RGS6: variants seen among roughly 807,000 people sequenced by gnomAD.
RGS6 encodes the protein regulator of G-protein signaling 6.
A neutral mutation model predicts 78.5 loss-of-function variants in RGS6; 30 were observed. That is an observed-to-expected ratio of 0.38 (90% confidence interval 0.29 to 0.52). The LOEUF is 0.52. RGS6 is among the 20% of genes least tolerant of loss of function. RGS6 has a pLI of 0.85. For synonymous variants in RGS6, 206 were observed against 206.0 expected (o/e 1.00, Z 0.00); for missense variants, 495 against 609.7 (o/e 0.81, Z 1.98).
rs2095623856 is a variant in RGS6 at position 72,105,937 on chromosome 14, G to A, written c.84+141062G>A. ...TATGAGAAAAAGGAAAACAGTGCCT[G>A]ACCTTATCAATAAACCATTGTAAGA... On this transcript the variant is annotated intron_variant, in intron 2 of 17. Transcript: ENST00000553525. 1.3e-5 allele frequency among the ~76,000 whole-genome samples: 2 copies of A among 152,176 alleles called. 1 individual carries two copies. Among genetic ancestry groups the A allele is most frequent in the South Asian group, 4.1e-4 (2 of 4,826 alleles).
intron 12 of RGS6, among the ~76,000 whole-genome samples, chr14:72,490,193 T>C (rs1361389507): frequency 6.6e-6 from 1 of 152,214 alleles, no homozygotes; most frequent in Admixed American, 6.5e-5. Flanking sequence ...GTTCCCATGA[T>C]AGTGAATAAG....
intron 3 of RGS6, among the ~76,000 whole-genome samples, chr14:72,372,290 A>G (rs61995112): frequency 1.2e-4 from 19 of 152,216 alleles, no homozygotes; most frequent in Non-Finnish European, 2.6e-4. Flanking sequence ...GTTTTGTACA[A>G]ATAAAGTCTA....
At chr14:72,109,164 T>A (rs757337936) in intron 2 of RGS6, among the ~76,000 whole-genome samples, 3 of 152,168 alleles carry the variant, frequency 2.0e-5, no homozygotes, top group Non-Finnish European at 4.4e-5. Flanking sequence ...TGCTCAATTT[T>A]ATTTTTTTCC....
the RGS6 span, among the ~76,000 whole-genome samples, chr14:72,578,985 A>G: frequency 6.6e-6 from 1 of 152,178 alleles, no homozygotes; most frequent in Admixed American, 6.5e-5. Flanking sequence ...TCAAGTCTGC[A>G]ATCCTTAGGA....
intron 12 of RGS6, among the ~76,000 whole-genome samples, chr14:72,490,927 A>G (rs77282977): frequency 8.5e-5 from 13 of 152,332 alleles, no homozygotes; most frequent in Non-Finnish European, 1.6e-4. Context: ...CCTATTAAAA[A>G]GCAGAATCTG....
intron 2 of RGS6, among the ~76,000 whole-genome samples, chr14:72,220,757 C>T (rs1053647812): frequency 1.2e-4 from 19 of 152,128 alleles, no homozygotes; most frequent in Non-Finnish European, 2.2e-4. Flanking sequence ...AAAAGAATAT[C>T]GTCTTTTATA....
intron 13 of RGS6, among the ~76,000 whole-genome samples, chr14:72,507,658 A>G (rs891897913): frequency 2.0e-5 from 3 of 152,220 alleles, no homozygotes; most frequent in Admixed American, 2.0e-4. Flanking sequence ...AATCTGGTGG[A>G]ATGAATGTGG....
chr14:72,185,311 A>G lies in RGS6; in HGVS notation c.85-166784A>G, dbSNP rs536090879. Among the ~76,000 whole-genome samples, 9 of 152,234 alleles carry G rather than the reference A, an allele frequency of 5.9e-5. No individual in the cohort carries two copies. The South Asian group carries it at 1.9e-3, about 32-fold the overall frequency. On this transcript the variant is annotated intron_variant, in intron 2 of 17. Coordinates refer to ENST00000553525, the MANE Select transcript of RGS6 (RefSeq NM_001204424.2). ...AAGAACCTCACAGACACCCCCAGTG[A>G]CAATACTTTGCATTCTTCAATCTAA...
chr14:71,919,585 T>C, the RGS6 span, among the ~76,000 whole-genome samples: 39 of 152,172 alleles, frequency 2.6e-4, no homozygotes, highest in African/African-American at 7.0e-4. Flanking sequence ...TAGACACTCC[T>C]CTCTAAAGCC....
At chr14:72,105,513 C>A (rs2095615666) in intron 2 of RGS6, among the ~76,000 whole-genome samples, 1 of 152,036 alleles carries the variant, frequency 6.6e-6, no homozygotes, top group Non-Finnish European at 1.5e-5. Context: ...AAGTTTTTTT[C>A]TGAAAATTCC....
At chr14:72,369,439 C>A (rs933397003) in intron 3 of RGS6, among the ~76,000 whole-genome samples, 2 of 152,160 alleles carry the variant, frequency 1.3e-5, no homozygotes, top group Non-Finnish European at 1.5e-5. Context: ...TAATAAATTT[C>A]TCTTGTTTTA....
At chr14:72,414,778 C>G (rs886490025) in intron 3 of RGS6, among the ~76,000 whole-genome samples, 1 of 152,172 alleles carries the variant, frequency 6.6e-6, no homozygotes, top group East Asian at 1.9e-4. Flanking sequence ...TCAGTCAGGA[C>G]CCTCAGCTGC....
intron 1 of RGS6, among the ~76,000 whole-genome samples, chr14:71,944,428 T>C (rs2091161610): frequency 6.6e-6 from 1 of 152,190 alleles, no homozygotes; most frequent in Non-Finnish European, 1.5e-5. Context: ...TTGTGCTGTT[T>C]TATATAGCAC....
At chr14:71,869,017 G>T in the RGS6 span, among the ~76,000 whole-genome samples, 1 of 152,154 alleles carries the variant, frequency 6.6e-6, no homozygotes, top group African/African-American at 2.4e-5. Flanking sequence ...GCAGTCAGCT[G>T]TGCTTGACAC....
At chr14:72,325,229 G>A (rs1446704627) in intron 2 of RGS6, among the ~76,000 whole-genome samples, 1 of 152,172 alleles carries the variant, frequency 6.6e-6, no homozygotes, top group African/African-American at 2.4e-5. Flanking sequence ...ATTTGTTTAA[G>A]TTCTTTGTAG....
intron 2 of RGS6, among the ~76,000 whole-genome samples, chr14:72,329,392 G>T: frequency 6.6e-6 from 1 of 152,248 alleles, no homozygotes; most frequent in East Asian, 1.9e-4. Context: ...TCACACTCCA[G>T]GTGGGCAAGG....
chr14:71,941,159 T>C (rs2090475562), intron 1 of RGS6, among the ~76,000 whole-genome samples: 1 of 152,232 alleles, frequency 6.6e-6, no homozygotes, highest in Non-Finnish European at 1.5e-5. Context: ...TGCTTCACTG[T>C]GTTCCTTGGT....
chr14:71,880,115 C>A, the RGS6 span, among the ~76,000 whole-genome samples: 1 of 152,168 alleles, frequency 6.6e-6, no homozygotes, highest in South Asian at 2.1e-4. Context: ...TTTTGCCCCT[C>A]CCCTAGAGAT....
At chr14:72,495,460 T>C (rs2096632740) in intron 13 of RGS6, among the ~76,000 whole-genome samples, 198 bp downstream of exon 13, 1 of 152,140 alleles carries the variant, frequency 6.6e-6, no homozygotes, top group Admixed American at 6.6e-5. Context: ...CCTTTGTGGC[T>C]CCCCTCTGAC....
Sources: allele counts gnomAD v4.1 joint callset (sites outside exome capture counted in the v4.1 genomes callset), GRCh38; gene constraint gnomAD v4.1.1; transcripts MANE v1.5; gene names NCBI Gene and HGNC (gene_info 2026-07-23, HGNC 2026-07-21).